ZGRF1: variants seen among roughly 807,000 people sequenced by gnomAD.
ZGRF1 encodes the protein zinc finger GRF-type containing 1, also known as 5'-3' DNA helicase ZGRF1.
In ZGRF1, 196 loss-of-function variants were observed where a neutral mutation model predicts 203.5. The observed-to-expected ratio is 0.96, with a 90% CI of 0.86 to 1.08. The LOEUF (loss-of-function observed/expected upper bound fraction) is 1.08, where lower values mean the gene tolerates loss of function less well. Among genes scored for constraint, ZGRF1 ranks in the 50% least tolerant of loss-of-function variants. The pLI is 0.00. For missense variants in ZGRF1, 2,326 were observed against 2,416.3 expected (o/e 0.96, Z 0.78); for synonymous variants, 809 against 841.3 (o/e 0.96, Z 0.66).
chr4:112,539,760 AC>A (rs1737171923), intron 27 of ZGRF1, 71 bp from the exon 28 acceptor site: 1 of 1,558,088 alleles, frequency 6.4e-7, no homozygotes. Flanking sequence ...CATGTCAGTT[AC>A]TTCCCCCAGC....
chr4:112,587,400 T>A lies in ZGRF1; in HGVS notation c.3657A>T (p.Gln1219His). 2 of 1,613,952 alleles carry A rather than the reference T, an allele frequency of 1.2e-6. No individual in the cohort carries two copies. The highest frequency in any genetic ancestry group is 1.7e-6 in the Non-Finnish European group (2 of 1,179,870). Residue 1219 changes from glutamine (Q) to histidine (H), a missense_variant, in exon 12 of 28, where the codon CAA becomes CAT. Gln to His is a conservative substitution (Grantham distance 24, BLOSUM62 0). Coordinates refer to ENST00000505019, the MANE Select transcript of ZGRF1 (RefSeq NM_018392.5). ...GTACTTTCTTTCTGGAAACCGAATC[T>A]TGACTGCTAAAATCCTGCCGCTGTT... ...LYQQRQDFSS[Q>H]DSVSRKKVLS...
intron 11 of ZGRF1, 62 bp downstream of exon 11, chr4:112,589,662 T>C: frequency 1.4e-6 from 2 of 1,425,230 alleles, no homozygotes; most frequent in Non-Finnish European, 2.0e-6. Flanking sequence ...TAATAATCTC[T>C]CAAATAAAAA....
At chr4:112,549,639 T>C (rs1383471363) in intron 22 of ZGRF1, among the ~76,000 whole-genome samples, 1 of 152,230 alleles carries the variant, frequency 6.6e-6, no homozygotes, top group Non-Finnish European at 1.5e-5. Context: ...ACAAACCTAC[T>C]GTACTGCCAG....
At chr4:112,574,519 A>G (rs1441671231) in intron 16 of ZGRF1, among the ~76,000 whole-genome samples, 1 of 152,216 alleles carries the variant, frequency 6.6e-6, no homozygotes, top group African/African-American at 2.4e-5. Flanking sequence ...TTGGAGAGAC[A>G]AGATGAGGTA....
rs1203688813 is a variant in ZGRF1, at chr4:112,578,748, A to T, written c.4438+2915T>A. ...AGAAGTTGAATCTCTGAATAGACCA[A>T]TAACAGGCTCTGAAATTGAGGCAAT... On this transcript the variant is annotated intron_variant, in intron 16 of 27. Coordinates refer to ENST00000505019, the MANE Select transcript of ZGRF1 (RefSeq NM_018392.5). Among the ~76,000 whole-genome samples, 8 of 123,308 alleles carry T rather than the reference A, an allele frequency of 6.5e-5. 2 individuals carry two copies. The highest frequency in any genetic ancestry group is 2.2e-4 in the African/African-American group (8 of 35,602). The allele number at this position is 123,308 out of a possible 152,430, so 80.9% of individuals were successfully genotyped here.
chr4:112,541,207 G>A lies in ZGRF1; in HGVS notation c.5660C>T (p.Ala1887Val), dbSNP rs1049580251. The change falls in exon 25 of 28, where the codon GCT (alanine) becomes GTT (valine). Residue 1887 changes from alanine (A) to valine (V), a missense_variant. Physicochemically the swap from Ala to Val is moderately conservative, Grantham distance 64. Coordinates refer to ENST00000505019, the MANE Select transcript of ZGRF1 (RefSeq NM_018392.5). Reference sequence around the variant, plus strand: ...GGCTCCTTTGTAAAACAGATCATTAGCAATAGCACTGATTGCAGGATGACA... The same window carrying A: ...GGCTCCTTTGTAAAACAGATCATTAACAATAGCACTGATTGCAGGATGACA... ...YRCHPAISAI[A>V]NDLFYKGALM... The A allele has an allele frequency of 1.2e-6, 2 of 1,610,724 alleles. No homozygotes were observed. Among genetic ancestry groups the A allele is most frequent in the East Asian group, 2.2e-5 (1 of 44,834 alleles).
intron 13 of ZGRF1, 45 bp from the exon 14 acceptor site, chr4:112,585,770 AT>A: frequency 6.9e-7 from 1 of 1,453,292 alleles, no homozygotes; most frequent in Non-Finnish European, 9.2e-7. Context: ...ATACAAAATA[AT>A]TTTGTTTGTA....
chr4:112,569,481 C>T (rs1743812383), intron 16 of ZGRF1, among the ~76,000 whole-genome samples: 1 of 152,160 alleles, frequency 6.6e-6, no homozygotes, highest in Non-Finnish European at 1.5e-5. Context: ...AACCAGCCTA[C>T]AGACTCTACC....
At chr4:112,555,138 T>C (rs1289567851) in intron 20 of ZGRF1, among the ~76,000 whole-genome samples, 3 of 152,214 alleles carry the variant, frequency 2.0e-5, no homozygotes, top group Non-Finnish European at 4.4e-5. Context: ...TCTTTACATA[T>C]GTTATACTGT....
chr4:112,597,994 C>A (rs527742238), intron 10 of ZGRF1, among the ~76,000 whole-genome samples: 2 of 151,390 alleles, frequency 1.3e-5, no homozygotes, highest in East Asian at 1.9e-4. Context: ...GCAAAAAAAA[C>A]CATTTTCAAC....
intron 10 of ZGRF1, among the ~76,000 whole-genome samples, chr4:112,601,052 A>G (rs1749872347): frequency 6.6e-6 from 1 of 151,718 alleles, no homozygotes; most frequent in Admixed American, 6.6e-5. Flanking sequence ...GCAGTGAGGC[A>G]AAATCACGCC....
At chr4:112,604,470 C>G (rs1750473827) in intron 9 of ZGRF1, among the ~76,000 whole-genome samples, 1 of 152,162 alleles carries the variant, frequency 6.6e-6, no homozygotes, top group African/African-American at 2.4e-5. Context: ...ACTGTAAGCC[C>G]CTTGTGAGCA....
intron 22 of ZGRF1, 53 bp from the exon 23 acceptor site, chr4:112,548,433 G>C: frequency 7.1e-7 from 1 of 1,416,886 alleles, no homozygotes; most frequent in Non-Finnish European, 9.6e-7. Context: ...GAAAATAAGA[G>C]AACGTATTTA....
At chr4:112,599,105 G>T (rs910739384) in intron 10 of ZGRF1, among the ~76,000 whole-genome samples, 4 of 151,592 alleles carry the variant, frequency 2.6e-5, no homozygotes, top group African/African-American at 7.3e-5. Flanking sequence ...AATGACAAAG[G>T]GTTAATTTTC....
chr4:112,545,926 A>G (rs577211216), intron 24 of ZGRF1, among the ~76,000 whole-genome samples: 1 of 152,170 alleles, frequency 6.6e-6, no homozygotes, highest in Non-Finnish European at 1.5e-5. Context: ...AGAGCTAGAA[A>G]GTAGAACACA....
At chr4:112,593,178 T>C (rs1748458641) in intron 10 of ZGRF1, among the ~76,000 whole-genome samples, 1 of 152,212 alleles carries the variant, frequency 6.6e-6, no homozygotes, top group African/African-American at 2.4e-5. Flanking sequence ...CTTCCCCATC[T>C]TGCTTTACTC....
At chr4:112,589,975 A>T in intron 10 of ZGRF1, 101 bp from the exon 11 acceptor site, 1 of 850,738 alleles carries the variant, frequency 1.2e-6, no homozygotes, top group Non-Finnish European at 1.7e-6. Context: ...ATAATGATTT[A>T]AAGCACATTA....
chr4:112,567,622 T>C (rs913620854), intron 16 of ZGRF1, among the ~76,000 whole-genome samples: 1 of 152,020 alleles, frequency 6.6e-6, no homozygotes, highest in Admixed American at 6.6e-5. Context: ...TAAATACATA[T>C]GCACATACAT....
chr4:112,605,214 G>A (rs957140262), intron 9 of ZGRF1, among the ~76,000 whole-genome samples: 4 of 151,704 alleles, frequency 2.6e-5, no homozygotes, highest in East Asian at 1.9e-4. Flanking sequence ...AGGCTGGAGT[G>A]CAGTGGCACA....
Sources: gnomAD v4.1 joint callset for allele counts (sites outside exome capture counted in the v4.1 genomes callset) on GRCh38, gnomAD v4.1.1 for gene constraint, MANE v1.5 for transcripts, NCBI Gene and HGNC (gene_info 2026-07-23, HGNC 2026-07-21) for gene names.